Variants in LMBR1 observed in about 807,000 individuals in gnomAD.
LMBR1 encodes limb region 1 protein homolog.
LMBR1 carries 52 observed loss-of-function variants against 73.9 expected under a neutral mutation model. The observed-to-expected ratio is 0.70, with a 90% confidence interval of 0.56 to 0.89. The LOEUF (loss-of-function observed/expected upper bound fraction) is 0.89, where lower values mean the gene tolerates loss of function less well. Ranked by LOEUF, LMBR1 falls within the 40% of genes least tolerant of loss-of-function variation. The pLI is 0.00. For missense variants in LMBR1, 539 were observed against 579.8 expected, an observed-to-expected ratio of 0.93 and a Z score of 0.72; for synonymous variants, 215 against 209.4, an observed-to-expected ratio of 1.03 and a Z score of -0.23.
chr7:156,787,336 CAG>C (rs1415828110), intron 5 of LMBR1, among the ~76,000 whole-genome samples: 1 of 152,148 alleles, frequency 6.6e-6, no homozygotes, highest in Non-Finnish European at 1.5e-5. Flanking sequence ...TTCAAATACT[CAG>C]AGATTTTTCT....
At chr7:156,861,790 T>C (rs901141065) in intron 1 of LMBR1, among the ~76,000 whole-genome samples, 2 of 152,166 alleles carry the variant, frequency 1.3e-5, no homozygotes, top group Middle Eastern at 3.2e-3. Context: ...CAATCTCTTT[T>C]CTAAAACATA....
intron 1 of LMBR1, among the ~76,000 whole-genome samples, chr7:156,874,169 G>A (rs1274080511): frequency 2.0e-5 from 3 of 152,370 alleles, no homozygotes; most frequent in Non-Finnish European, 4.4e-5. Flanking sequence ...AGCTAAGGCC[G>A]GACAAGAAAT....
chr7:156,742,511 A>G (rs1420446671), intron 9 of LMBR1, among the ~76,000 whole-genome samples: 1 of 152,094 alleles, frequency 6.6e-6, no homozygotes, highest in Non-Finnish European at 1.5e-5. Context: ...GAAAATCTAG[A>G]AAAAAATGGA....
intron 5 of LMBR1, among the ~76,000 whole-genome samples, chr7:156,775,024 G>A (rs1563330669): frequency 6.6e-6 from 1 of 152,128 alleles, no homozygotes; most frequent in Admixed American, 6.6e-5. Context: ...GAAGGTGGAC[G>A]GTGGGACAAG....
At chr7:156,674,407 C>T (rs144686059), downstream of LMBR1, among the ~76,000 whole-genome samples, 1 of 152,364 alleles carries the variant, frequency 6.6e-6, no homozygotes, top group East Asian at 1.9e-4. Context: ...AGCAAGAGGG[C>T]AGGAAGTGTG....
intron 5 of LMBR1, among the ~76,000 whole-genome samples, chr7:156,787,434 T>C (rs1304828412): frequency 6.6e-6 from 1 of 152,134 alleles, no homozygotes; most frequent in African/African-American, 2.4e-5. Flanking sequence ...TATTTTACAA[T>C]AGGATGTGCT....
chr7:156,886,236 T>A (rs1220810443), intron 1 of LMBR1, among the ~76,000 whole-genome samples: 5 of 152,022 alleles, frequency 3.3e-5, no homozygotes, highest in Non-Finnish European at 7.4e-5. Flanking sequence ...GGAAGCATCC[T>A]CCCGCAGAGC....
intron 1 of LMBR1, among the ~76,000 whole-genome samples, chr7:156,889,799 G>A (rs1234076043): frequency 2.0e-5 from 3 of 152,068 alleles, no homozygotes; most frequent in South Asian, 4.1e-4. Context: ...GACAGGTCTG[G>A]GCAACACGGT....
At position 156,819,497 on chromosome 7, in the gene LMBR1, G is replaced by C. The variant is rs561356835; in HGVS notation, c.319+7108C>G. On this transcript the variant is annotated intron_variant, in intron 4 of 16. Transcript: ENST00000353442. ...TTCCTTCAATCAATCAATATTTATT[G>C]AACACTTTCAACATGAAAGTACTAG... 1.4e-3 allele frequency among the ~76,000 whole-genome samples: 210 copies of C among 152,016 alleles called. 1 individual carries two copies. The highest frequency in any genetic ancestry group is 4.2e-3 in the African/African-American group (175 of 41,460).
intron 15 of LMBR1, among the ~76,000 whole-genome samples, chr7:156,688,745 C>T (rs918035862): frequency 6.6e-6 from 1 of 152,156 alleles, no homozygotes; most frequent in Admixed American, 6.5e-5. Flanking sequence ...GCCTTCTATA[C>T]TAATTACGAG....
At chr7:156,753,597 G>A (rs1821300735) in intron 9 of LMBR1, among the ~76,000 whole-genome samples, 1 of 152,106 alleles carries the variant, frequency 6.6e-6, no homozygotes, top group East Asian at 1.9e-4. Context: ...GGAAAATCAG[G>A]TCAGAAATGG....
intron 1 of LMBR1, among the ~76,000 whole-genome samples, chr7:156,855,130 G>C (rs1392303452): frequency 6.6e-6 from 1 of 152,156 alleles, no homozygotes; most frequent in Non-Finnish European, 1.5e-5. Context: ...ATGAGAGTCT[G>C]AATTTAATTA....
chr7:156,806,181 T>TAC (rs78547910), intron 4 of LMBR1, among the ~76,000 whole-genome samples: 66,836 of 151,830 alleles, frequency 0.44, 14,857 homozygotes, highest in East Asian at 0.61. Context: ...AACAATGTCT[T>TAC]AGTTTATAGT....
intron 1 of LMBR1, among the ~76,000 whole-genome samples, chr7:156,862,521 TG>T (rs962265885): frequency 1.3e-4 from 20 of 150,392 alleles, no homozygotes; most frequent in African/African-American, 4.9e-4. Context: ...TAAGTGAACT[TG>T]GGTTTGGCAA....
chr7:156,803,689 C>T (rs1831443331), intron 4 of LMBR1, among the ~76,000 whole-genome samples: 1 of 152,038 alleles, frequency 6.6e-6, no homozygotes, highest in Admixed American at 6.5e-5. Context: ...AAGACACATG[C>T]ACACGTATGT....
intron 15 of LMBR1, among the ~76,000 whole-genome samples, chr7:156,722,020 T>A (rs542247467): frequency 6.6e-6 from 1 of 152,270 alleles, no homozygotes; most frequent in Non-Finnish European, 1.5e-5. Flanking sequence ...CATCATCATT[T>A]CTTTTATACT....
At chr7:156,696,860 C>T (rs1808391217) in intron 15 of LMBR1, among the ~76,000 whole-genome samples, 1 of 152,182 alleles carries the variant, frequency 6.6e-6, no homozygotes, top group African/African-American at 2.4e-5. Context: ...AAAGTCTTAA[C>T]TCATTTCAGC....
rs369066771 is a variant in LMBR1, at chr7:156,836,820, T to C, written c.132A>G (p.Arg44=). The C allele has an allele frequency of 1.9e-6, 3 of 1,571,968 alleles. No individual in the cohort carries two copies. In the South Asian group the frequency reaches 3.5e-5, roughly 18 times the overall value. Residue 44 remains arginine (R), a synonymous_variant, in exon 2 of 17, where the codon AGA becomes AGG. Transcript: ENST00000353442. ...TGACATGTTTCCACTTGCCTGATTTTCTCTTGTATCTTGTGATGATGAAGT... is the reference window on the plus strand; with the variant it reads ...TGACATGTTTCCACTTGCCTGATTTCCTCTTGTATCTTGTGATGATGAAGT... ...VSYFIITRYK[R]KSDEQEDEDA...
At chr7:156,830,774 T>G (rs544554635) in intron 3 of LMBR1, among the ~76,000 whole-genome samples, 6 of 152,338 alleles carry the variant, frequency 3.9e-5, no homozygotes, top group Admixed American at 3.3e-4. Context: ...GAGCTTTTGT[T>G]AAAGCCCATC....
Sources: gnomAD v4.1 joint callset for allele counts (sites outside exome capture counted in the v4.1 genomes callset) on GRCh38, gnomAD v4.1.1 for gene constraint, MANE v1.5 for transcripts, NCBI Gene and HGNC (gene_info 2026-07-23, HGNC 2026-07-21) for gene names.